Variants in FIP1L1 observed in about 807,000 individuals in gnomAD.
The protein encoded by FIP1L1 is pre-mRNA 3'-end-processing factor FIP1.
FIP1L1 carries 21 observed loss-of-function variants against 84.6 expected under a neutral mutation model. That is an observed-to-expected ratio of 0.25 (90% confidence interval 0.18 to 0.36). The LOEUF (loss-of-function observed/expected upper bound fraction) is 0.36, where lower values mean the gene tolerates loss of function less well. Among genes scored for constraint, FIP1L1 ranks in the 10% least tolerant of loss-of-function variants. The pLI, the probability that FIP1L1 is intolerant of heterozygous loss-of-function variation, is 1.00. For missense variants in FIP1L1, 526 were observed against 751.1 expected (o/e 0.70, Z 3.50); for synonymous variants, 263 against 242.3 (o/e 1.09, Z -0.80).
At chr4:53,408,092 A>T (rs1304388877) in intron 10 of FIP1L1, among the ~76,000 whole-genome samples, 2 of 152,062 alleles carry the variant, frequency 1.3e-5, no homozygotes, top group African/African-American at 4.8e-5. Flanking sequence ...CCTATCCTCG[A>T]TGGTTTTTAC....
intron 13 of FIP1L1, among the ~76,000 whole-genome samples, chr4:53,428,713 A>C (rs545125939): frequency 1.3e-5 from 2 of 152,368 alleles, no homozygotes; most frequent in South Asian, 4.1e-4. Flanking sequence ...TACAATTAAA[A>C]ACCAGGTTAG....
intron 11 of FIP1L1, among the ~76,000 whole-genome samples, chr4:53,417,751 A>ACT (rs1760257621): frequency 2.8e-5 from 1 of 35,338 alleles, no homozygotes; most frequent in Non-Finnish European, 5.7e-5. Flanking sequence ...ACACACACAC[A>ACT]CACACACACA....
rs1338515462 is a variant in FIP1L1 at position 53,420,459 on chromosome 4, A to G, written c.924-5413A>G. Among the ~76,000 whole-genome samples the G allele has an allele frequency of 2.2e-5, 3 of 133,574 alleles. 1 individual carries two copies. Among genetic ancestry groups the G allele is most frequent in the Admixed American group, 1.6e-4 (2 of 12,650 alleles). 87.6% of individuals were successfully genotyped at this position (133,574 alleles called of 152,430 possible). A position where few individuals can be genotyped will look rare whatever the true frequency, so the allele number is the denominator to read the frequency against. Reference sequence around the variant, plus strand: ...AAAAAAAAAAAAAAAGATAAATCAGACACTCAGTGAGTGTCGGATCTCCTC... The same window carrying G: ...AAAAAAAAAAAAAAAGATAAATCAGGCACTCAGTGAGTGTCGGATCTCCTC... On this transcript the variant is annotated intron_variant, in intron 11 of 17. Transcript: ENST00000337488.
chr4:53,405,155 G>C (rs1181491444), intron 10 of FIP1L1, among the ~76,000 whole-genome samples: 1 of 152,176 alleles, frequency 6.6e-6, no homozygotes, highest in Admixed American at 6.5e-5. Flanking sequence ...TAACATTTAA[G>C]TCTTTAATCC....
At chr4:53,425,709 AAGT>A in intron 11 of FIP1L1, 160 bp from the exon 12 acceptor site, 2 of 511,064 alleles carry the variant, frequency 3.9e-6, no homozygotes, top group Non-Finnish European at 7.1e-6. Flanking sequence ...TGACAATGCA[AAGT>A]AGTGAGCTTA....
At chr4:53,396,530 C>G (rs570171732) in intron 9 of FIP1L1, among the ~76,000 whole-genome samples, 2 of 152,100 alleles carry the variant, frequency 1.3e-5, no homozygotes, top group East Asian at 3.9e-4. Flanking sequence ...CTCAGCCTCC[C>G]GAGTAGCTGG....
chr4:53,428,101 T>C lies in FIP1L1; in HGVS notation c.1092T>C (p.Ala364=), dbSNP rs760905235. The C allele has an allele frequency of 1.1e-5, 18 of 1,610,538 alleles. No homozygotes were observed. Among genetic ancestry groups the C allele is most frequent in the Non-Finnish European group, 1.5e-5 (18 of 1,177,546 alleles). The change falls in exon 13 of 18, where the codon GCT becomes GCC. Residue 364 remains alanine, a synonymous_variant. Coordinates refer to ENST00000337488, the MANE Select transcript of FIP1L1 (RefSeq NM_030917.4). ...CACCTCCGTTTTTCCCTCCAGGAGC[T>C]CCTCCCACTCACCTTCCACCTCCTC... ...SKPPPFFPPG[A]PPTHLPPPPF... is the part of the protein sequence containing the mutation.
At chr4:53,412,138 C>A (rs1757522075) in intron 10 of FIP1L1, among the ~76,000 whole-genome samples, 1 of 152,044 alleles carries the variant, frequency 6.6e-6, no homozygotes, top group South Asian at 2.1e-4. Context: ...CAGTTAATAA[C>A]ATTTTGTCAT....
intron 13 of FIP1L1, among the ~76,000 whole-genome samples, chr4:53,432,640 G>A (rs1374707304): frequency 1.3e-5 from 2 of 152,074 alleles, no homozygotes; most frequent in Non-Finnish European, 2.9e-5. Flanking sequence ...TACATTCCAT[G>A]TGTTAACTCA....
chr4:53,382,925 T>C (rs772235586), intron 4 of FIP1L1, among the ~76,000 whole-genome samples: 4 of 152,248 alleles, frequency 2.6e-5, no homozygotes, highest in East Asian at 1.9e-4. Context: ...TTCACAAATA[T>C]AGAATTTGCA....
rs1560493159 is a variant in FIP1L1 at position 53,389,869 on chromosome 4, TAC to T, written c.395_396del (p.Thr132ArgfsTer10). 1 of 1,601,434 alleles carries T rather than the reference TAC, an allele frequency of 6.2e-7. No individual in the cohort carries two copies. Among genetic ancestry groups the T allele is most frequent in the Non-Finnish European group, 8.5e-7 (1 of 1,175,196 alleles). ...AGACAGGGGGAAGAGTTTATGGAACTACAGGTAAAATTTGTATTTTCTGTTGC... is the reference window on the plus strand; with the variant it reads ...AGACAGGGGGAAGAGTTTATGGAACTAGGTAAAATTTGTATTTTCTGTTGC... The part of the protein sequence containing the change: ...IKTGGRVYGT[T>X]GTKVKGVDLD... On this transcript the variant is annotated frameshift_variant and splice_region_variant, in exon 6 of 18. Coordinates refer to ENST00000337488, the MANE Select transcript of FIP1L1 (RefSeq NM_030917.4). LOFTEE classifies it high-confidence loss of function.
intron 10 of FIP1L1, among the ~76,000 whole-genome samples, chr4:53,405,233 C>G (rs1242664280): frequency 6.6e-6 from 1 of 151,966 alleles, no homozygotes; most frequent in African/African-American, 2.4e-5. Context: ...ATATGGCTAG[C>G]CAGTTTTCCC....
At chr4:53,440,622 C>A in intron 13 of FIP1L1, 1 of 1,500,322 alleles carries the variant, frequency 6.7e-7, no homozygotes, top group Admixed American at 1.8e-5. Context: ...AAACTTTTTT[C>A]ATGTTTTCTC....
chr4:53,405,477 C>A (rs199764605), intron 10 of FIP1L1, among the ~76,000 whole-genome samples: 19,413 of 151,440 alleles, frequency 0.13, 2,495 homozygotes, highest in African/African-American at 0.31. Flanking sequence ...CTTAGGATTG[C>A]CTTGGCGATG....
intron 4 of FIP1L1, among the ~76,000 whole-genome samples, chr4:53,383,353 A>G (rs1178109323): frequency 6.6e-6 from 1 of 152,176 alleles, no homozygotes; most frequent in African/African-American, 2.4e-5. Flanking sequence ...TAACTTTTAA[A>G]TTGTATCTCA....
intron 11 of FIP1L1, among the ~76,000 whole-genome samples, chr4:53,425,222 A>G (rs904576741): frequency 4.6e-5 from 7 of 152,106 alleles, no homozygotes; most frequent in African/African-American, 2.4e-5. Flanking sequence ...TTAAAATACA[A>G]CTTACTAGGT....
rs1358961053 is a variant in FIP1L1, at chr4:53,460,059, T to TA, written c.*612dup. The TA allele has an allele frequency of 1.4e-4, 1 of 7,126 alleles. No homozygotes were observed. The highest frequency in any genetic ancestry group is 3.9e-4 in the African/African-American group (1 of 2,560). 0.4% of individuals were successfully genotyped at this position (7,126 alleles called of 1,614,324 possible). On this transcript the variant is annotated 3_prime_UTR_variant, in exon 18 of 18. Coordinates refer to ENST00000337488, the MANE Select transcript of FIP1L1 (RefSeq NM_030917.4). ...TCTGGGTGGCCTCTATGAAATAAAT[T>TA]AATTAATTACCCATAGTGTAGTTTC...
At chr4:53,436,014 T>TTA (rs1769016947) in intron 13 of FIP1L1, among the ~76,000 whole-genome samples, 1 of 152,222 alleles carries the variant, frequency 6.6e-6, no homozygotes, top group Non-Finnish European at 1.5e-5. Context: ...GTGATCAAGT[T>TTA]TATCTGTTTC....
At chr4:53,390,491 G>C (rs761071476) in intron 6 of FIP1L1, 30 bp from the exon 7 acceptor site, 2 of 1,423,462 alleles carry the variant, frequency 1.4e-6, no homozygotes, top group Non-Finnish European at 2.0e-6. Context: ...TGCAAGTATA[G>C]CTCCTTCATT....
Sources: gnomAD v4.1 joint callset for allele counts (sites outside exome capture counted in the v4.1 genomes callset) on GRCh38, gnomAD v4.1.1 for gene constraint, MANE v1.5 for transcripts, NCBI Gene and HGNC (gene_info 2026-07-23, HGNC 2026-07-21) for gene names.